Variants in HSF2 observed in about 807,000 individuals in gnomAD.
HSF2 encodes the protein heat shock transcription factor 2.
Under a neutral mutation model 65.0 loss-of-function variants are expected in HSF2, and 21 were observed. The ratio of observed to expected loss-of-function variants is 0.32; its 90% CI spans 0.23 to 0.47. The LOEUF (loss-of-function observed/expected upper bound fraction) is 0.47. HSF2 is among the 20% of genes least tolerant of loss of function. The pLI, the probability that HSF2 is intolerant of heterozygous loss-of-function variation, is 1.00. For synonymous variants in HSF2, 225 were observed against 219.1 expected, an observed-to-expected ratio of 1.03 and a Z score of -0.24; for missense variants, 499 against 628.1, an observed-to-expected ratio of 0.79 and a Z score of 2.20.
At chr6:122,403,439 C>G (rs1773787135) in intron 1 of HSF2, among the ~76,000 whole-genome samples, 1 of 152,026 alleles carries the variant, frequency 6.6e-6, no homozygotes, top group Non-Finnish European at 1.5e-5. Flanking sequence ...AACCCTGTCT[C>G]TACAAAAAAA....
intron 1 of HSF2, among the ~76,000 whole-genome samples, chr6:122,412,064 A>G (rs541439183): frequency 6.6e-6 from 1 of 151,968 alleles, no homozygotes; most frequent in South Asian, 2.1e-4. Flanking sequence ...TATGCTGTCT[A>G]CATAATTGTA....
Position 122,417,384 on chromosome 6 carries a change from A to G in HSF2, c.531+1088A>G, listed in dbSNP as rs561590206. 8.5e-5 allele frequency among the ~76,000 whole-genome samples: 13 copies of G among 152,282 alleles called. No homozygotes were observed. In the South Asian group the frequency reaches 2.3e-3, roughly 27 times the overall value. On this transcript the variant is annotated intron_variant, in intron 5 of 12. Coordinates refer to ENST00000368455, the MANE Select transcript of HSF2 (RefSeq NM_004506.4). ...GTAATATATTAGCTTACAACACTCT[A>G]TAATGTGTAGATTTTTTTTTTCCTG...
chr6:122,419,323 CTTG>C (rs1028877927), intron 6 of HSF2, 94 bp downstream of exon 6: 2 of 586,916 alleles, frequency 3.4e-6, no homozygotes, highest in Admixed American at 3.2e-5. Flanking sequence ...TGAGTATGTG[CTTG>C]TTGTCCAAAA....
intron 1 of HSF2, 72 bp from the exon 2 acceptor site, chr6:122,412,301 T>C: frequency 1.2e-6 from 1 of 857,116 alleles, no homozygotes. Context: ...AGTTGTGGGA[T>C]GTATAAATAT....
At chr6:122,413,447 T>G in intron 3 of HSF2, 78 bp from the exon 4 acceptor site, 3 of 1,092,174 alleles carry the variant, frequency 2.7e-6, no homozygotes, top group Non-Finnish European at 2.6e-6. Context: ...TACGAAAACC[T>G]CTTCTAATAG....
chr6:122,410,211 CA>C (rs1773959533), intron 1 of HSF2, among the ~76,000 whole-genome samples: 1 of 151,868 alleles, frequency 6.6e-6, no homozygotes, highest in South Asian at 2.1e-4. Context: ...CTCCACAAAT[CA>C]TTTTTTTAAT....
At chr6:122,403,363 T>C (rs1582603962) in intron 1 of HSF2, among the ~76,000 whole-genome samples, 1 of 152,182 alleles carries the variant, frequency 6.6e-6, no homozygotes, top group Non-Finnish European at 1.5e-5. Context: ...CCCAGCACTT[T>C]GGGAGGCCAA....
intron 11 of HSF2, among the ~76,000 whole-genome samples, chr6:122,430,780 G>T (rs576770493): frequency 1.3e-3 from 199 of 152,200 alleles, no homozygotes; most frequent in African/African-American, 4.6e-3. Flanking sequence ...GAGCACTGAA[G>T]AAATTAACAA....
At chr6:122,400,696 C>T (rs1204531166) in intron 1 of HSF2, among the ~76,000 whole-genome samples, 1 of 152,118 alleles carries the variant, frequency 6.6e-6, no homozygotes, top group Non-Finnish European at 1.5e-5. Flanking sequence ...TATATCAGTC[C>T]CAAATACAAG....
chr6:122,408,711 C>T (rs889723760), intron 1 of HSF2, among the ~76,000 whole-genome samples: 5 of 152,002 alleles, frequency 3.3e-5, no homozygotes, highest in Non-Finnish European at 7.4e-5. Flanking sequence ...ACCTTTATGC[C>T]TTCCGTTTTT....
intron 10 of HSF2, among the ~76,000 whole-genome samples, chr6:122,427,669 A>G (rs181505526): frequency 2.6e-4 from 40 of 152,192 alleles, no homozygotes; most frequent in Admixed American, 7.2e-4. Flanking sequence ...ATTTACCCCA[A>G]TGTTTTTTAG....
Position 122,432,339 on chromosome 6 carries a change from G to C in HSF2, c.*119G>C. 2 of 808,964 alleles carry C rather than the reference G, an allele frequency of 2.5e-6. No individual in the cohort carries two copies. Among genetic ancestry groups the C allele is most frequent in the Non-Finnish European group, 3.9e-6 (2 of 516,802 alleles). The allele number at this position is 808,964 out of a possible 1,614,324, so 50.1% of individuals were successfully genotyped here. ...TTGTTTTGTTTAATCAGATACTGTG[G>C]AATAAAAGCACCTTTTGCTTTTCTC... On this transcript the variant is annotated 3_prime_UTR_variant, in exon 13 of 13. Coordinates refer to ENST00000368455, the MANE Select transcript of HSF2 (RefSeq NM_004506.4).
At chr6:122,407,776 T>C (rs995201077) in intron 1 of HSF2, among the ~76,000 whole-genome samples, 1 of 151,530 alleles carries the variant, frequency 6.6e-6, no homozygotes, top group Non-Finnish European at 1.5e-5. Flanking sequence ...GTGTAGATAT[T>C]GTCTTAATCA....
chr6:122,413,652 A>C lies in HSF2; in HGVS notation c.455+3A>C. 6.2e-7 allele frequency: 1 copy of C among 1,600,574 alleles called. No homozygotes were observed. The highest frequency in any genetic ancestry group is 8.5e-7 in the Non-Finnish European group (1 of 1,170,042). On this transcript the variant is annotated splice_donor_region_variant and intron_variant, in intron 4 of 12. Coordinates refer to ENST00000368455, the MANE Select transcript of HSF2 (RefSeq NM_004506.4). ...TCCAGGCTTTCTGAATTAAAAAGGT[A>C]AAGTGTTATTTCCAAATATAATTTT... is the stretch of plus-strand genomic sequence containing the variant.
At chr6:122,427,866 T>G in intron 10 of HSF2, 37 bp from the exon 11 acceptor site, 1 of 1,510,624 alleles carries the variant, frequency 6.6e-7, no homozygotes, top group African/African-American at 1.4e-5. Flanking sequence ...TTTTAATTAT[T>G]TTTTAAACTT....
Position 122,419,244 on chromosome 6 carries a change from T to TA in HSF2, c.593+18dup. 1.5e-6 allele frequency: 2 copies of TA among 1,327,826 alleles called. No homozygotes were observed. Among genetic ancestry groups the TA allele is most frequent in the Non-Finnish European group, 2.2e-6 (2 of 924,626 alleles). The allele number at this position is 1,327,826 out of a possible 1,614,324, so 82.3% of individuals were successfully genotyped here. A position where few individuals can be genotyped will look rare whatever the true frequency, so the allele number is the denominator to read the frequency against. ...AAACGTAAAAGGTAAGTTTTTATGA[T>TA]AAAGTATTATGTCCTGTATATAGGC... On this transcript the variant is annotated intron_variant, in intron 6 of 12. Coordinates refer to ENST00000368455, the MANE Select transcript of HSF2 (RefSeq NM_004506.4).
chr6:122,428,171 A>G (rs1328034883), intron 11 of HSF2, among the ~76,000 whole-genome samples: 3 of 152,058 alleles, frequency 2.0e-5, no homozygotes, highest in Non-Finnish European at 4.4e-5. Context: ...ATTAACTACC[A>G]GTATGAAATT....
intron 1 of HSF2, among the ~76,000 whole-genome samples, chr6:122,408,006 A>G (rs1380595477): frequency 6.6e-6 from 1 of 151,654 alleles, no homozygotes; most frequent in Non-Finnish European, 1.5e-5. Flanking sequence ...GGTCTCTCTT[A>G]TCTTATAAGG....
At chr6:122,414,261 A>G (rs1423894647) in intron 4 of HSF2, among the ~76,000 whole-genome samples, 1 of 152,198 alleles carries the variant, frequency 6.6e-6, no homozygotes, top group African/African-American at 2.4e-5. Context: ...ACTTGTGTAT[A>G]GAGTAGATAG....
Sources: gnomAD v4.1 joint callset for allele counts (sites outside exome capture counted in the v4.1 genomes callset) on GRCh38, gnomAD v4.1.1 for gene constraint, MANE v1.5 for transcripts, NCBI Gene and HGNC (gene_info 2026-07-23, HGNC 2026-07-21) for gene names.